NACC2: variants seen among roughly 807,000 people sequenced by gnomAD.
The protein encoded by NACC2 is nucleus accumbens-associated protein 2.
In NACC2, 8 loss-of-function variants were observed where a neutral mutation model predicts 25.1. That is an observed-to-expected ratio of 0.32 (90% CI 0.19 to 0.57). NACC2 has a LOEUF of 0.57. Ranked by LOEUF, NACC2 falls within the 20% of genes least tolerant of loss-of-function variation. The pLI is 0.89. For missense variants in NACC2, 644 were observed against 650.2 expected (o/e 0.99, Z 0.10); for synonymous variants, 435 against 294.7 (o/e 1.48, Z -4.88).
chr9:136,039,740 A>T (rs1488848412), intron 2 of NACC2, among the ~76,000 whole-genome samples: 2 of 152,242 alleles, frequency 1.3e-5, no homozygotes, highest in Non-Finnish European at 2.9e-5. Flanking sequence ...TCACTTGCAT[A>T]GATAGAAACT....
At chr9:136,071,762 A>G (rs1841155725) in intron 1 of NACC2, among the ~76,000 whole-genome samples, 2 of 152,170 alleles carry the variant, frequency 1.3e-5, no homozygotes, top group South Asian at 4.1e-4. Context: ...ATATGGATCA[A>G]TGGAACAGAA....
intron 2 of NACC2, among the ~76,000 whole-genome samples, chr9:136,047,745 C>T (rs1227195063): frequency 1.3e-5 from 2 of 152,180 alleles, no homozygotes; most frequent in Non-Finnish European, 2.9e-5. Flanking sequence ...TTCCTGGCTG[C>T]GGTCCTGCTG....
chr9:136,032,757 G>T (rs902269800), intron 2 of NACC2, among the ~76,000 whole-genome samples: 1 of 152,114 alleles, frequency 6.6e-6, no homozygotes, highest in Admixed American at 6.6e-5. Context: ...ATTAGTCTGG[G>T]CATGGTGGCT....
Position 136,020,206 on chromosome 9 carries a change from C to G in NACC2, c.887-3777G>C, listed in dbSNP as rs1840270275. Among the ~76,000 whole-genome samples, 1 of 152,218 alleles carries G rather than the reference C, an allele frequency of 6.6e-6. No homozygotes were observed. Among genetic ancestry groups the G allele is most frequent in the Non-Finnish European group, 1.5e-5 (1 of 68,032 alleles). ...TCAGAAAGAACAAATGAACGAACGT[C>G]AGAAGGAGGGGGCCATGCAGGTCTG... On this transcript the variant is annotated intron_variant, in intron 2 of 5. Transcript: ENST00000277554. The surrounding 1 kb of genome is among the most constrained non-coding windows in gnomAD (Gnocchi z 4.7).
intron 2 of NACC2, among the ~76,000 whole-genome samples, chr9:136,047,227 C>T (rs921805058): frequency 2.0e-5 from 3 of 152,154 alleles, no homozygotes; most frequent in South Asian, 2.1e-4. Flanking sequence ...ACGGAGGGCA[C>T]GGGGAGCTAG....
chr9:136,024,378 G>A (rs867440068), intron 2 of NACC2, among the ~76,000 whole-genome samples: 1 of 149,210 alleles, frequency 6.7e-6, no homozygotes, highest in Non-Finnish European at 1.5e-5. Flanking sequence ...GAAGGTGTGT[G>A]TGTGAGGACA....
chr9:136,053,473 G>A (rs1005912631), intron 1 of NACC2, among the ~76,000 whole-genome samples: 37 of 152,126 alleles, frequency 2.4e-4, no homozygotes, highest in African/African-American at 8.2e-4. Flanking sequence ...ACCGGGCCAG[G>A]AGACACAGGG....
chr9:136,042,834 A>G (rs1026242209), intron 2 of NACC2, among the ~76,000 whole-genome samples: 12 of 150,582 alleles, frequency 8.0e-5, no homozygotes, highest in South Asian at 4.3e-4. Flanking sequence ...GAATTCACAC[A>G]CAGACACATA....
intron 2 of NACC2, among the ~76,000 whole-genome samples, chr9:136,038,302 A>G (rs1038736990): frequency 6.6e-5 from 10 of 152,172 alleles, no homozygotes; most frequent in African/African-American, 2.4e-4. Context: ...TTGGGAGGCC[A>G]AGGCCGGTGG....
chr9:136,045,368 G>A (rs10122974), intron 2 of NACC2, among the ~76,000 whole-genome samples: 2,682 of 37,760 alleles, frequency 0.071, 34 homozygotes, highest in Middle Eastern at 0.21. Context: ...ACGGGCCCAC[G>A]GGCCCTGTGG....
rs1305999425 is a variant in NACC2 at position 136,006,872 on chromosome 9, C to T, written c.*4644G>A. 6.6e-6 allele frequency: 1 copy of T among 152,152 alleles called. No homozygotes were observed. Among genetic ancestry groups the T allele is most frequent in the African/African-American group, 2.4e-5 (1 of 41,332 alleles). The allele number at this position is 152,152 out of a possible 1,614,324, so 9.4% of individuals were successfully genotyped here. On this transcript the variant is annotated 3_prime_UTR_variant, in exon 6 of 6. Transcript: ENST00000277554. ...GTGGCTGAAATCTAACTCAGTGGTA[C>T]TGTGAAACCTTCCTTTACAGCACAG...
chr9:136,078,245 C>T (rs868458885), intron 1 of NACC2, among the ~76,000 whole-genome samples: 3 of 152,194 alleles, frequency 2.0e-5, no homozygotes, highest in East Asian at 1.9e-4. Flanking sequence ...CCCCACCCCC[C>T]GCAACCTTGT....
intron 2 of NACC2, among the ~76,000 whole-genome samples, chr9:136,027,737 G>GC (rs1289931338): frequency 1.3e-5 from 2 of 152,098 alleles, no homozygotes; most frequent in Admixed American, 1.3e-4. Flanking sequence ...GAAATATAGA[G>GC]CCCTAAGTGC....
chr9:136,078,656 C>A (rs1048327127), intron 1 of NACC2, among the ~76,000 whole-genome samples: 2 of 152,220 alleles, frequency 1.3e-5, no homozygotes, highest in Admixed American at 1.3e-4. Context: ...GACATCGGGA[C>A]AGAAAGGGGC....
At chr9:136,057,419 G>A (rs186900955) in intron 1 of NACC2, among the ~76,000 whole-genome samples, 3 of 152,284 alleles carry the variant, frequency 2.0e-5, no homozygotes, top group African/African-American at 7.2e-5. Context: ...CCCCAGATCC[G>A]CCCTATGGCC....
At chr9:136,024,285 AGGGTGC>A (rs1840347492) in intron 2 of NACC2, among the ~76,000 whole-genome samples, 2 of 76,660 alleles carry the variant, frequency 2.6e-5, no homozygotes, top group African/African-American at 5.1e-5. Context: ...GTGAGGACAG[AGGGTGC>A]GTGTGTGTGA....
At chr9:136,075,585 A>AG (rs1177433359) in intron 1 of NACC2, among the ~76,000 whole-genome samples, 1 of 152,248 alleles carries the variant, frequency 6.6e-6, no homozygotes, top group African/African-American at 2.4e-5. Flanking sequence ...TATCGGGCAT[A>AG]GGCCCACATT....
chr9:136,078,561 G>A lies in NACC2; in HGVS notation c.-60+16628C>T, dbSNP rs530322401. ...TGGCCCGCTCACTGGCCCTGGAACC[G>A]TACCTGGATGCATAGACGGGACTCC... On this transcript the variant is annotated intron_variant, in intron 1 of 5. Transcript: ENST00000277554. Among the ~76,000 whole-genome samples the A allele has an allele frequency of 5.9e-5, 9 of 152,306 alleles. No homozygotes were observed. The South Asian group carries it at 6.2e-4, about 11-fold the overall frequency.
chr9:136,091,327 C>T (rs1024501233), intron 1 of NACC2, among the ~76,000 whole-genome samples: 2 of 152,228 alleles, frequency 1.3e-5, no homozygotes, highest in East Asian at 1.9e-4. Flanking sequence ...TCAGGGAGGA[C>T]GGGTTCCTCA....
Sources: allele counts gnomAD v4.1 joint callset (sites outside exome capture counted in the v4.1 genomes callset), GRCh38; gene constraint gnomAD v4.1.1; non-coding constraint Gnocchi (gnomAD v3.1); transcripts MANE v1.5; gene names NCBI Gene and HGNC (gene_info 2026-07-23, HGNC 2026-07-21).